The following SH3RF3 variants were observed in gnomAD, a reference collection of about 807,000 sequenced individuals.
SH3RF3 encodes the protein SH3 domain containing ring finger 3, also known as E3 ubiquitin-protein ligase SH3RF3.
In SH3RF3, 29 loss-of-function variants were observed where a neutral mutation model predicts 66.3. The observed-to-expected ratio is 0.44, with a 90% CI of 0.33 to 0.60. The LOEUF is 0.60. SH3RF3 is among the 20% of genes least tolerant of loss of function. The pLI, the probability that SH3RF3 is intolerant of heterozygous loss-of-function variation, is 0.04. For synonymous variants in SH3RF3, 583 were observed against 532.0 expected, an observed-to-expected ratio of 1.10 and a Z score of -1.32; for missense variants, 1,194 against 1,190.9, an observed-to-expected ratio of 1.00 and a Z score of -0.04.
intron 3 of SH3RF3, among the ~76,000 whole-genome samples, chr2:109,372,216 A>G (rs1009374704): frequency 6.6e-6 from 1 of 152,166 alleles, no homozygotes; most frequent in African/African-American, 2.4e-5. Flanking sequence ...AGACCTACTA[A>G]TTTCCTTTCC....
intron 1 of SH3RF3, among the ~76,000 whole-genome samples, chr2:109,265,292 C>T (rs564487905): frequency 1.3e-5 from 2 of 152,144 alleles, no homozygotes; most frequent in African/African-American, 2.4e-5. Flanking sequence ...GGGCTGTGTT[C>T]GCCAACTGCT....
intron 1 of SH3RF3, among the ~76,000 whole-genome samples, chr2:109,211,648 C>CTTTTT (rs67139652): frequency 4.9e-5 from 7 of 142,580 alleles, no homozygotes; most frequent in South Asian, 2.2e-4. Flanking sequence ...GCATTTCTTT[C>CTTTTT]TTTTTTTTTT....
At chr2:109,285,033 G>C (rs1186556461) in intron 1 of SH3RF3, among the ~76,000 whole-genome samples, 1 of 152,212 alleles carries the variant, frequency 6.6e-6, no homozygotes, top group Non-Finnish European at 1.5e-5. Flanking sequence ...CTGTGCCGCG[G>C]GGCCTCTGCT....
rs370603145 is a variant in SH3RF3, at chr2:109,298,699, C to T, written c.574-48975C>T. The stretch of plus-strand genomic sequence containing the variant: ...TCCCTGGCTCCTGTGGGTCCAGGTC[C>T]GTTTCCCCACACTGACATACCCCAT... On this transcript the variant is annotated intron_variant, in intron 1 of 9. Transcript: ENST00000309415. 1.1e-4 allele frequency among the ~76,000 whole-genome samples: 16 copies of T among 152,068 alleles called. 1 individual carries two copies. The highest frequency in any genetic ancestry group is 3.9e-4 in the East Asian group (2 of 5,166).
intron 8 of SH3RF3, among the ~76,000 whole-genome samples, chr2:109,479,879 T>G (rs1282020348): frequency 6.6e-6 from 1 of 152,102 alleles, no homozygotes; most frequent in Non-Finnish European, 1.5e-5. Flanking sequence ...CGGCAGCACC[T>G]AACCCACCTG....
chr2:109,414,510 A>G (rs1326194300), intron 4 of SH3RF3, among the ~76,000 whole-genome samples: 1 of 152,112 alleles, frequency 6.6e-6, no homozygotes, highest in African/African-American at 2.4e-5. Flanking sequence ...ACGAGGAGCA[A>G]TCAGAGGCTC....
chr2:109,317,772 T>A (rs1456802236), intron 1 of SH3RF3, among the ~76,000 whole-genome samples: 1 of 152,162 alleles, frequency 6.6e-6, no homozygotes, highest in Non-Finnish European at 1.5e-5. Flanking sequence ...CGTGAGTGCC[T>A]TTGTAGTGTC....
At chr2:109,143,856 A>G (rs547109550) in intron 1 of SH3RF3, among the ~76,000 whole-genome samples, 3 of 152,176 alleles carry the variant, frequency 2.0e-5, no homozygotes, top group Non-Finnish European at 4.4e-5. Flanking sequence ...ACAATGGAAT[A>G]TTATTCAATC....
At position 109,343,370 on chromosome 2, in the gene SH3RF3, T is replaced by A. The variant is rs963664552; in HGVS notation, c.574-4304T>A. On this transcript the variant is annotated intron_variant, in intron 1 of 9. Transcript: ENST00000309415. ...TCTCGGCATCTTCCTTGACTCTTTT[T>A]TTTTTCTTTCCCTCAGAAATGTGTC... Among the ~76,000 whole-genome samples the A allele has an allele frequency of 4.6e-5, 7 of 152,230 alleles. No homozygotes were observed. In the East Asian group the frequency reaches 1.3e-3, roughly 29 times the overall value.
intron 1 of SH3RF3, among the ~76,000 whole-genome samples, chr2:109,161,986 G>A (rs537101125): frequency 2.0e-4 from 31 of 152,232 alleles, no homozygotes; most frequent in Non-Finnish European, 3.8e-4. Context: ...TGTCTAAAGC[G>A]TAGATGGTGT....
chr2:109,325,122 G>T (rs1440645250), intron 1 of SH3RF3, among the ~76,000 whole-genome samples: 1 of 152,010 alleles, frequency 6.6e-6, no homozygotes, highest in Non-Finnish European at 1.5e-5. Context: ...GTCAGGGAGG[G>T]GTCCCTTGGC....
intron 9 of SH3RF3, among the ~76,000 whole-genome samples, chr2:109,496,329 C>T (rs778065104): frequency 1.3e-5 from 2 of 152,032 alleles, no homozygotes; most frequent in African/African-American, 2.4e-5. Context: ...GTGCATTTTA[C>T]AATCCTCTTG....
chr2:109,149,765 A>G (rs1442155612), intron 1 of SH3RF3, among the ~76,000 whole-genome samples: 1 of 152,196 alleles, frequency 6.6e-6, no homozygotes, highest in Non-Finnish European at 1.5e-5. Context: ...TGAGTAAGTG[A>G]CAATTGGAAA....
intron 1 of SH3RF3, among the ~76,000 whole-genome samples, chr2:109,200,041 C>T (rs1678631904): frequency 6.6e-6 from 1 of 151,916 alleles, no homozygotes; most frequent in Non-Finnish European, 1.5e-5. Context: ...GGACAGCCCC[C>T]CACAGAGAAA....
intron 8 of SH3RF3, among the ~76,000 whole-genome samples, chr2:109,481,889 CA>C (rs1451625474): frequency 1.3e-5 from 2 of 152,148 alleles, no homozygotes; most frequent in Non-Finnish European, 2.9e-5. Flanking sequence ...ACTGTTTTAT[CA>C]CCACGGAATC....
intron 1 of SH3RF3, among the ~76,000 whole-genome samples, chr2:109,307,194 G>A (rs747760553): frequency 5.9e-5 from 9 of 152,178 alleles, no homozygotes; most frequent in Non-Finnish European, 1.2e-4. Flanking sequence ...CTGCTGGGAG[G>A]TGCACATTTG....
intron 1 of SH3RF3, among the ~76,000 whole-genome samples, chr2:109,179,152 A>G (rs761472918): frequency 5.9e-5 from 9 of 152,094 alleles, no homozygotes; most frequent in South Asian, 2.1e-4. Context: ...AGGATGTACA[A>G]TGTCCCTGAC....
chr2:109,304,930 G>A (rs762668062), intron 1 of SH3RF3, among the ~76,000 whole-genome samples: 28 of 152,194 alleles, frequency 1.8e-4, no homozygotes, highest in Non-Finnish European at 1.8e-4. Flanking sequence ...GCTCGGTTGG[G>A]TTTCTGTCCT....
intron 8 of SH3RF3, among the ~76,000 whole-genome samples, chr2:109,468,660 C>T (rs1374283645): frequency 1.3e-5 from 2 of 151,988 alleles, no homozygotes; most frequent in South Asian, 4.2e-4. Flanking sequence ...TTGAGACCAG[C>T]CTGGCCAACA....
Sources: gnomAD v4.1 joint callset for allele counts (sites outside exome capture counted in the v4.1 genomes callset) on GRCh38, gnomAD v4.1.1 for gene constraint, MANE v1.5 for transcripts, NCBI Gene and HGNC (gene_info 2026-07-23, HGNC 2026-07-21) for gene names.